The following MBNL2 variants were observed in gnomAD, a reference collection of about 807,000 sequenced individuals.
MBNL2 encodes the protein muscleblind like splicing regulator 2, also known as muscleblind-like protein 2.
In MBNL2, 17 loss-of-function variants were observed where a neutral mutation model predicts 41.9. The observed-to-expected ratio is 0.41, with a 90% CI of 0.28 to 0.61. The LOEUF is 0.61. Ranked by LOEUF, MBNL2 falls within the 20% of genes least tolerant of loss-of-function variation. MBNL2 has a pLI of 0.35. For synonymous variants in MBNL2, 195 were observed against 182.9 expected, an observed-to-expected ratio of 1.07 and a Z score of -0.53; for missense variants, 336 against 505.6, an observed-to-expected ratio of 0.66 and a Z score of 3.22.
At chr13:97,354,553 C>T (rs1050618317) in intron 5 of MBNL2, among the ~76,000 whole-genome samples, 3 of 152,180 alleles carry the variant, frequency 2.0e-5, no homozygotes, top group Admixed American at 6.5e-5. Flanking sequence ...GTCCTGCTCA[C>T]TCTAGAGATC....
the MBNL2 span, among the ~76,000 whole-genome samples, chr13:97,150,685 T>C: frequency 1.3e-5 from 2 of 152,146 alleles, no homozygotes; most frequent in Admixed American, 6.6e-5. Context: ...CTACGAGTTA[T>C]TGTTAGAGAC....
chr13:97,157,836 G>C, the MBNL2 span, among the ~76,000 whole-genome samples: 1 of 151,878 alleles, frequency 6.6e-6, no homozygotes, highest in African/African-American at 2.4e-5. Context: ...TGTTCATCAA[G>C]GATATTGGTC....
At chr13:97,301,067 A>C (rs964958811) in intron 2 of MBNL2, among the ~76,000 whole-genome samples, 5 of 152,232 alleles carry the variant, frequency 3.3e-5, no homozygotes, top group African/African-American at 1.2e-4. Flanking sequence ...AAAGCTATTA[A>C]GCTAAGTAGG....
the MBNL2 span, among the ~76,000 whole-genome samples, chr13:97,208,348 G>T: frequency 6.6e-6 from 1 of 152,174 alleles, no homozygotes; most frequent in South Asian, 2.1e-4. Context: ...ATAGATGTAG[G>T]AATCAATGAT....
At chr13:97,309,552 G>A (rs375263171) in intron 2 of MBNL2, among the ~76,000 whole-genome samples, 4 of 152,274 alleles carry the variant, frequency 2.6e-5, no homozygotes, top group East Asian at 3.9e-4. Context: ...GCCCTCAGAA[G>A]GAACCAACCC....
the MBNL2 span, among the ~76,000 whole-genome samples, chr13:97,146,201 C>T: frequency 6.6e-6 from 1 of 150,868 alleles, no homozygotes; most frequent in African/African-American, 2.4e-5. Context: ...TGGGGTTTCA[C>T]CATGTTGGCT....
the MBNL2 span, among the ~76,000 whole-genome samples, chr13:97,187,067 T>A: frequency 2.0e-5 from 3 of 152,226 alleles, no homozygotes; most frequent in Non-Finnish European, 4.4e-5. Flanking sequence ...CATTCTGTCC[T>A]ATGGGGAATG....
At chr13:97,169,613 T>TGGG in the MBNL2 span, among the ~76,000 whole-genome samples, 1 of 152,242 alleles carries the variant, frequency 6.6e-6, no homozygotes, top group Admixed American at 6.5e-5. Flanking sequence ...AATTCAGAAA[T>TGGG]GACCACATAA....
At chr13:97,357,852 C>T in intron 7 of MBNL2, 2 of 590,308 alleles carry the variant, frequency 3.4e-6, no homozygotes, top group South Asian at 1.9e-5. Context: ...ATTGAAGAGA[C>T]AGATTTAACC....
chr13:97,153,863 T>C, the MBNL2 span, among the ~76,000 whole-genome samples: 1 of 152,166 alleles, frequency 6.6e-6, no homozygotes, highest in Non-Finnish European at 1.5e-5. Flanking sequence ...CTTCCAAACA[T>C]GTTGTGCCTA....
Position 97,268,156 on chromosome 13 carries a change from A to G in MBNL2, c.-604-7476A>G, listed in dbSNP as rs984426958. Among the ~76,000 whole-genome samples, 8 of 151,936 alleles carry G rather than the reference A, an allele frequency of 5.3e-5. No individual in the cohort carries two copies. The highest frequency in any genetic ancestry group is 1.2e-4 in the Non-Finnish European group (8 of 68,022). ...GTCATCCAGGCTAGAGTGCAGTGGC[A>G]CGATCTTGGCTCACTGCAACCTCTG... On this transcript the variant is annotated intron_variant, in intron 1 of 8. Transcript: ENST00000679496. The surrounding 1 kb of genome is among the most constrained non-coding windows in gnomAD (Gnocchi z 4.6).
chr13:97,316,024 A>C (rs1180101332), intron 2 of MBNL2, among the ~76,000 whole-genome samples: 1 of 151,858 alleles, frequency 6.6e-6, no homozygotes, highest in Non-Finnish European at 1.5e-5. Flanking sequence ...TCTCTCCTGG[A>C]CTCTAGATTC....
the MBNL2 span, among the ~76,000 whole-genome samples, chr13:97,191,681 A>G: frequency 6.6e-6 from 1 of 152,176 alleles, no homozygotes; most frequent in Non-Finnish European, 1.5e-5. Flanking sequence ...ATGATTATTT[A>G]TTTACTGTAC....
At chr13:97,381,742 ATATACT>A (rs1345947332) in intron 8 of MBNL2, among the ~76,000 whole-genome samples, 5 of 151,758 alleles carry the variant, frequency 3.3e-5, no homozygotes, top group East Asian at 1.9e-4. Flanking sequence ...AATATTCCAG[ATATACT>A]TATATCAACA....
the MBNL2 span, among the ~76,000 whole-genome samples, chr13:97,210,571 A>ATTTTTTTTTTTTTTTTT: frequency 1.5e-5 from 1 of 65,466 alleles, no homozygotes; most frequent in African/African-American, 6.3e-5. Flanking sequence ...ACAACTGTGA[A>ATTTTTTTTTTTTTTTTT]TTTTTTTTTT....
chr13:97,234,699 A>T (rs950152174), intron 1 of MBNL2, among the ~76,000 whole-genome samples: 4 of 152,250 alleles, frequency 2.6e-5, no homozygotes, highest in Admixed American at 2.0e-4. Context: ...GATTTAAATA[A>T]ACATACATGC....
At chr13:97,282,493 G>A (rs1057427495) in intron 2 of MBNL2, among the ~76,000 whole-genome samples, 2 of 152,186 alleles carry the variant, frequency 1.3e-5, no homozygotes, top group Admixed American at 1.3e-4. Flanking sequence ...ATTTGTTTCT[G>A]TTTTTGTCTG....
Position 97,327,580 on chromosome 13 carries a change from A to AAAAT in MBNL2, c.175-6693_175-6692insTAAA, listed in dbSNP as rs1415124420. Among the ~76,000 whole-genome samples the AAAAT allele has an allele frequency of 3.3e-5, 5 of 151,436 alleles. 1 individual carries two copies. The highest frequency in any genetic ancestry group is 7.4e-5 in the Non-Finnish European group (5 of 67,852). ...ATTTGTAAAAAAAAAAAAAAAAAAAAAAAGTTCATATAACCATTTTGGAAT... is the reference window on the plus strand; with the variant it reads ...ATTTGTAAAAAAAAAAAAAAAAAAAAAAATAAAGTTCATATAACCATTTTGGAAT... On this transcript the variant is annotated intron_variant, in intron 2 of 8. Transcript: ENST00000679496.
In MBNL2 at chr13:97,223,652, G is replaced by C. The variant is rs1294197198; in HGVS notation, c.-605+1121G>C. Among the ~76,000 whole-genome samples the C allele has an allele frequency of 3.3e-5, 5 of 152,166 alleles. No homozygotes were observed. In the South Asian group the frequency reaches 1.0e-3, roughly 32 times the overall value. On this transcript the variant is annotated intron_variant, in intron 1 of 8. Coordinates refer to ENST00000679496, the MANE Select transcript of MBNL2 (RefSeq NM_001382683.1). ...TAAGTGGAAAGCTATTTGTTAATTG[G>C]GTAATGTGTGTGTTTTGGGGACAAT...
Sources: allele counts gnomAD v4.1 joint callset (sites outside exome capture counted in the v4.1 genomes callset), GRCh38; gene constraint gnomAD v4.1.1; non-coding constraint Gnocchi (gnomAD v3.1); transcripts MANE v1.5; gene names NCBI Gene and HGNC (gene_info 2026-07-23, HGNC 2026-07-21).